FGF14: variants seen among roughly 807,000 people sequenced by gnomAD.
FGF14 encodes fibroblast growth factor homologous factor 4.
FGF14 carries 5 observed loss-of-function variants against 25.5 expected under a neutral mutation model. The ratio of observed to expected loss-of-function variants is 0.20; its 90% CI spans 0.10 to 0.41. The LOEUF (loss-of-function observed/expected upper bound fraction) is 0.41. Among genes scored for constraint, FGF14 ranks in the 10% least tolerant of loss-of-function variants. The probability of loss-of-function intolerance (pLI) is 1.00; values close to 1 mark genes in which losing one functional copy is unlikely to be tolerated. For synonymous variants in FGF14, 138 were observed against 118.3 expected (o/e 1.17, Z -1.08); for missense variants, 222 against 320.1 (o/e 0.69, Z 2.34).
At chr13:102,346,666 G>C (rs1333360455) in intron 1 of FGF14, among the ~76,000 whole-genome samples, 1 of 151,256 alleles carries the variant, frequency 6.6e-6, no homozygotes, top group African/African-American at 2.4e-5. Flanking sequence ...CAATAAAGAT[G>C]GCTCATGGGA....
At chr13:102,185,419 C>A (rs1490248688) in intron 1 of FGF14, among the ~76,000 whole-genome samples, 2 of 152,118 alleles carry the variant, frequency 1.3e-5, no homozygotes, top group African/African-American at 4.8e-5. Context: ...TTCTTGAAGA[C>A]GGAGCCTTAT....
intron 3 of FGF14, among the ~76,000 whole-genome samples, chr13:101,746,932 C>T (rs890140918): frequency 2.0e-5 from 3 of 151,978 alleles, no homozygotes; most frequent in African/African-American, 7.2e-5. Context: ...GCATTCTACA[C>T]CTTTTGACTC....
chr13:101,915,135 C>T (rs1383605178), intron 1 of FGF14, among the ~76,000 whole-genome samples: 2 of 152,302 alleles, frequency 1.3e-5, no homozygotes, highest in African/African-American at 2.4e-5. Flanking sequence ...TGATTTTCTT[C>T]CTATCTTTGC....
intron 1 of FGF14, among the ~76,000 whole-genome samples, chr13:102,327,859 CAA>C (rs68138633): frequency 8.2e-6 from 1 of 121,792 alleles, no homozygotes; most frequent in African/African-American, 3.3e-5. Context: ...AAAAAACAAA[CAA>C]AAAAAAAGGA....
At chr13:101,833,198 G>A (rs1409119368) in intron 3 of FGF14, among the ~76,000 whole-genome samples, 1 of 152,004 alleles carries the variant, frequency 6.6e-6, no homozygotes, top group Admixed American at 6.6e-5. Context: ...ATGGCATTAA[G>A]AGCTTATTTG....
chr13:101,890,108 A>C (rs2138879970), intron 1 of FGF14, among the ~76,000 whole-genome samples: 1 of 152,328 alleles, frequency 6.6e-6, no homozygotes. Context: ...ACAAAACAAA[A>C]CAAAAGACAT....
intron 1 of FGF14, among the ~76,000 whole-genome samples, chr13:102,069,907 T>C (rs2043085925): frequency 6.6e-6 from 1 of 152,190 alleles, no homozygotes; most frequent in East Asian, 1.9e-4. Context: ...GTGGAACTCC[T>C]GACCTCAGGC....
At chr13:102,068,603 G>A (rs1460942339) in intron 1 of FGF14, among the ~76,000 whole-genome samples, 5 of 152,242 alleles carry the variant, frequency 3.3e-5, no homozygotes, top group Non-Finnish European at 7.3e-5. Context: ...GGCAGTGAGC[G>A]ACTTGGCACC....
chr13:102,017,193 T>A (rs2040392627), intron 1 of FGF14: 1 of 288,092 alleles, frequency 3.5e-6, no homozygotes, highest in South Asian at 5.3e-5. Flanking sequence ...TATTCTCCAG[T>A]TTTACTTGTT....
chr13:101,757,478 G>GACTAATAGATTAT (rs1346194737), intron 3 of FGF14, among the ~76,000 whole-genome samples: 5 of 152,138 alleles, frequency 3.3e-5, no homozygotes, highest in Non-Finnish European at 4.4e-5. Flanking sequence ...ATTCCCACAA[G>GACTAATAGATTAT]ACTAATAGAT....
chr13:102,101,836 C>G (rs1566686515), intron 1 of FGF14, among the ~76,000 whole-genome samples: 1 of 152,108 alleles, frequency 6.6e-6, no homozygotes, highest in Non-Finnish European at 1.5e-5. Context: ...TCCTGAGTAG[C>G]TGGAATTACA....
At chr13:101,858,291 G>C (rs1055903499) in intron 3 of FGF14, among the ~76,000 whole-genome samples, 1 of 150,526 alleles carries the variant, frequency 6.6e-6, no homozygotes, top group Non-Finnish European at 1.5e-5. Flanking sequence ...TTTCAGTCAT[G>C]AGTCCTCTCA....
chr13:102,021,009 G>A (rs960946343), intron 1 of FGF14, among the ~76,000 whole-genome samples: 1 of 151,976 alleles, frequency 6.6e-6, no homozygotes, highest in Non-Finnish European at 1.5e-5. Flanking sequence ...AGAGTACAAG[G>A]TATTTGATTA....
chr13:101,976,150 T>A (rs991143313), intron 1 of FGF14, among the ~76,000 whole-genome samples: 2 of 62,462 alleles, frequency 3.2e-5, no homozygotes, highest in Admixed American at 2.0e-4. Context: ...TTGACCTGAT[T>A]GTTCAGTGCT....
intron 1 of FGF14, among the ~76,000 whole-genome samples, chr13:102,099,162 C>A (rs2044542163): frequency 6.6e-6 from 1 of 152,092 alleles, no homozygotes; most frequent in African/African-American, 2.4e-5. Context: ...TGACCATACA[C>A]CATATTTATA....
intron 3 of FGF14, among the ~76,000 whole-genome samples, chr13:101,784,247 A>G (rs1339966134): frequency 6.6e-6 from 1 of 152,188 alleles, no homozygotes; most frequent in Non-Finnish European, 1.5e-5. Context: ...GCTATCTACA[A>G]TGTGGTCCCA....
chr13:102,194,354 T>A (rs2049255223), intron 1 of FGF14, among the ~76,000 whole-genome samples: 1 of 152,128 alleles, frequency 6.6e-6, no homozygotes, highest in Non-Finnish European at 1.5e-5. Context: ...GCCATGGTGG[T>A]CTGCTGCACA....
intron 1 of FGF14, among the ~76,000 whole-genome samples, chr13:102,344,122 C>G (rs1245465659): frequency 6.6e-6 from 1 of 152,206 alleles, no homozygotes; most frequent in Non-Finnish European, 1.5e-5. Flanking sequence ...GAAACTCAAT[C>G]ACTTACGAAA....
intron 1 of FGF14, among the ~76,000 whole-genome samples, chr13:102,305,248 A>C (rs770835459): frequency 6.6e-6 from 1 of 152,194 alleles, no homozygotes; most frequent in Non-Finnish European, 1.5e-5. Context: ...CCTAAATATC[A>C]GTATTTCAAT....
Sources: allele counts gnomAD v4.1 joint callset (sites outside exome capture counted in the v4.1 genomes callset), GRCh38; gene constraint gnomAD v4.1.1; transcripts MANE v1.5; gene names NCBI Gene and HGNC (gene_info 2026-07-23, HGNC 2026-07-21).